The following OXNAD1 variants were observed in gnomAD, a reference collection of about 807,000 sequenced individuals.
The protein encoded by OXNAD1 is oxidoreductase NAD-binding domain-containing protein 1.
OXNAD1 carries 34 observed loss-of-function variants against 32.9 expected under a neutral mutation model. The ratio of observed to expected loss-of-function variants is 1.03; its 90% CI spans 0.79 to 1.38. The LOEUF is 1.38. Ranked by LOEUF, OXNAD1 falls within the 40% of genes most tolerant of loss-of-function variation. The probability of loss-of-function intolerance (pLI) is 0.00; values close to 1 mark genes in which losing one functional copy is unlikely to be tolerated. For missense variants in OXNAD1, 407 were observed against 379.4 expected, an observed-to-expected ratio of 1.07 and a Z score of -0.60; for synonymous variants, 134 against 135.2, an observed-to-expected ratio of 0.99 and a Z score of 0.06.
At position 16,276,616 on chromosome 3, in the gene OXNAD1, G is replaced by A. The variant is rs142179518; in HGVS notation, c.183+4894G>A. ...GGTCTTTGTTTTTTTTGTTCCTGGCGATTTGTAGAGTAAATCGCTGTCCTG... is the reference window on the plus strand; with the variant it reads ...GGTCTTTGTTTTTTTTGTTCCTGGCAATTTGTAGAGTAAATCGCTGTCCTG... On this transcript the variant is annotated intron_variant, in intron 4 of 8. Coordinates refer to ENST00000285083, the MANE Select transcript of OXNAD1 (RefSeq NM_138381.5). 3.6e-3 allele frequency: 589 copies of A among 163,472 alleles called. 2 individuals carry two copies. Among genetic ancestry groups the A allele is most frequent in the Middle Eastern group, 0.011 (4 of 348 alleles). The allele number at this position is 163,472 out of a possible 1,614,324, so 10.1% of individuals were successfully genotyped here.
intron 5 of OXNAD1, among the ~76,000 whole-genome samples, chr3:16,292,921 G>T (rs1477953377): frequency 1.3e-5 from 2 of 152,166 alleles, no homozygotes; most frequent in Non-Finnish European, 2.9e-5. Context: ...TTTCATTACT[G>T]TAGCTTTGTA....
Position 16,345,817 on chromosome 3 carries a change from T to TGTGTGTGTGTGTGTGCGC in OXNAD1, c.*31-3358_*31-3357insTGTGTGTGTGTGTGCGCG, listed in dbSNP as rs1160939614. The stretch of plus-strand genomic sequence containing the variant: ...GTGTGTGTGTGTGTGTGTGTGTGTG[T>TGTGTGTGTGTGTGTGCGC]GCGCGCGCGCGTGCGCGCACGCGCA... On this transcript the variant is annotated intron_variant, in intron 9 of 9. Transcript: ENST00000606098. This position sits in a 1 kb window ranked among gnomAD's most constrained non-coding sequence, Gnocchi z 5.2. 5.4e-5 allele frequency among the ~76,000 whole-genome samples: 4 copies of TGTGTGTGTGTGTGTGCGC among 74,540 alleles called. No individual in the cohort carries two copies. The highest frequency in any genetic ancestry group is 2.2e-4 in the African/African-American group (4 of 18,090). 48.9% of individuals were successfully genotyped at this position (74,540 alleles called of 152,430 possible).
At position 16,327,767 on chromosome 3, in the gene OXNAD1, A is replaced by G. The variant is rs2069867841; in HGVS notation, c.*31-9345A>G. ...CAGAGCGGGATTCCCATCTCAAAAA[A>G]AAAAACAAAACGAAAAAAACTTCAG... is the stretch of plus-strand genomic sequence containing the variant. On this transcript the variant is annotated intron_variant, in intron 9 of 9. Transcript: ENST00000435829. This position sits in a 1 kb window ranked among gnomAD's most constrained non-coding sequence, Gnocchi z 4.2. 6.6e-6 allele frequency among the ~76,000 whole-genome samples: 1 copy of G among 151,950 alleles called. No individual in the cohort carries two copies. Among genetic ancestry groups the G allele is most frequent in the Non-Finnish European group, 1.5e-5 (1 of 67,958 alleles).
In OXNAD1 at chr3:16,285,061, T is replaced by C. The variant is rs146883386; in HGVS notation, c.184-1281T>C. Among the ~76,000 whole-genome samples the C allele has an allele frequency of 2.1e-3, 322 of 152,250 alleles. 1 individual carries two copies. Among genetic ancestry groups the C allele is most frequent in the Admixed American group, 5.2e-3 (79 of 15,286 alleles). On this transcript the variant is annotated intron_variant, in intron 4 of 8. Transcript: ENST00000285083. ...AGGTAGAGGGTCAGTAATGGAAAAT[T>C]ACCCCAGTTGATTTTTAGGAGAGGA... is the stretch of plus-strand genomic sequence containing the variant.
chr3:16,270,897 C>T lies in OXNAD1; in HGVS notation c.-8-48C>T, dbSNP rs770077450. 3.1e-6 allele frequency: 5 copies of T among 1,610,950 alleles called. No individual in the cohort carries two copies. In the East Asian group the frequency reaches 1.1e-4, roughly 36 times the overall value. ...ACCCTCTAAAATAGTCTGATATTTC[C>T]CCACTTTTAAAAAAACAATTTGAAA... On this transcript the variant is annotated intron_variant, in intron 2 of 8. Transcript: ENST00000285083.
intron 9 of OXNAD1, chr3:16,326,743 T>G (rs753612661): frequency 6.5e-7 from 1 of 1,528,102 alleles, no homozygotes; most frequent in Non-Finnish European, 9.1e-7. Context: ...AAGTGTTCAA[T>G]AGAATCCTAA....
intron 4 of OXNAD1, among the ~76,000 whole-genome samples, chr3:16,272,518 TTATC>T (rs2065020635): frequency 6.6e-6 from 1 of 152,186 alleles, no homozygotes; most frequent in African/African-American, 2.4e-5. Context: ...TCATTTAAAT[TTATC>T]TATTAATAGA....
Position 16,334,710 on chromosome 3 carries a change from C to T in OXNAD1, c.*31-2402C>T, listed in dbSNP as rs914048968. On this transcript the variant is annotated intron_variant, in intron 9 of 9. Coordinates refer to the OXNAD1 transcript ENST00000435829. The surrounding 1 kb of genome is among the most constrained non-coding windows in gnomAD (Gnocchi z 4.3). ...ACTAAATGAAACAGCCTGTGGTAGA[C>T]AGAATAATGGCCCCAAAGATGTCTA... Among the ~76,000 whole-genome samples the T allele has an allele frequency of 6.6e-6, 1 of 152,166 alleles. No individual in the cohort carries two copies. The highest frequency in any genetic ancestry group is 2.4e-5 in the African/African-American group (1 of 41,430).
At chr3:16,326,197 G>A (rs2069670459) in intron 9 of OXNAD1, among the ~76,000 whole-genome samples, 2 of 152,242 alleles carry the variant, frequency 1.3e-5, no homozygotes, top group Admixed American at 1.3e-4. Context: ...CGTAAGCAGA[G>A]CTGAGAGTGG....
rs1366446233 is a variant in OXNAD1 at position 16,327,974 on chromosome 3, C to T, written c.*31-9138C>T. Among the ~76,000 whole-genome samples, 1 of 152,214 alleles carries T rather than the reference C, an allele frequency of 6.6e-6. No individual in the cohort carries two copies. The highest frequency in any genetic ancestry group is 1.5e-5 in the Non-Finnish European group (1 of 68,036). ...CTCCTCATCCCTCATAGTTTGGCTT[C>T]TTGTAGTTGGCTTCCGAAAATCTCA... On this transcript the variant is annotated intron_variant, in intron 9 of 9. Coordinates refer to the OXNAD1 transcript ENST00000435829. This position sits in a 1 kb window ranked among gnomAD's most constrained non-coding sequence, Gnocchi z 4.2.
rs1243320358 is a variant in OXNAD1 at position 16,282,811 on chromosome 3, G to A, written c.184-3531G>A. The stretch of plus-strand genomic sequence containing the variant: ...TCCCAAGTTCGTATGAGTTAAACGG[G>A]ACTTTCAGCTTTTTTTTTTTTTTTT... On this transcript the variant is annotated intron_variant, in intron 4 of 8. Coordinates refer to ENST00000285083, the MANE Select transcript of OXNAD1 (RefSeq NM_138381.5). Among the ~76,000 whole-genome samples, 5 of 138,308 alleles carry A rather than the reference G, an allele frequency of 3.6e-5. No individual in the cohort carries two copies. In the East Asian group the frequency reaches 8.6e-4, roughly 24 times the overall value. 90.7% of individuals were successfully genotyped at this position (138,308 alleles called of 152,430 possible).
chr3:16,329,654 C>A lies in OXNAD1; in HGVS notation c.*31-7458C>A, dbSNP rs2070105342. Among the ~76,000 whole-genome samples, 2 of 152,198 alleles carry A rather than the reference C, an allele frequency of 1.3e-5. No individual in the cohort carries two copies. Among genetic ancestry groups the A allele is most frequent in the South Asian group, 4.1e-4 (2 of 4,830 alleles). On this transcript the variant is annotated intron_variant, in intron 9 of 9. Coordinates refer to the OXNAD1 transcript ENST00000435829. The surrounding 1 kb of genome is among the most constrained non-coding windows in gnomAD (Gnocchi z 4.5). ...CTGCTTTATCCTGAGAATCCCTGCC[C>A]CCATCCCCGTATTCCCAGTTTAAAG...
chr3:16,274,956 T>G (rs2124994604), intron 4 of OXNAD1: 1 of 152,364 alleles, frequency 6.6e-6, no homozygotes. Context: ...CATAGTTCCT[T>G]AAGATCAGAA....
In OXNAD1 at chr3:16,320,989, G is replaced by A. The variant is rs2068984616; in HGVS notation, c.*31-16123G>A. Among the ~76,000 whole-genome samples, 1 of 152,240 alleles carries A rather than the reference G, an allele frequency of 6.6e-6. No homozygotes were observed. The highest frequency in any genetic ancestry group is 2.1e-4 in the South Asian group (1 of 4,830). Reference sequence around the variant, plus strand: ...CTATTATTAGGAGATTAGAATAGCTGAGGCGAGTGATGGTAGAGAGAAGTG... The same window carrying A: ...CTATTATTAGGAGATTAGAATAGCTAAGGCGAGTGATGGTAGAGAGAAGTG... On this transcript the variant is annotated intron_variant, in intron 9 of 9. Coordinates refer to the OXNAD1 transcript ENST00000435829. The surrounding 1 kb of genome is among the most constrained non-coding windows in gnomAD (Gnocchi z 4.5).
intron 1 of OXNAD1, among the ~76,000 whole-genome samples, chr3:16,268,305 G>A (rs56332731): frequency 3.2e-5 from 4 of 126,268 alleles, no homozygotes; most frequent in African/African-American, 5.5e-5. Context: ...GGATTTTAAA[G>A]AGAACTCCTT....
intron 5 of OXNAD1, among the ~76,000 whole-genome samples, chr3:16,294,256 G>A (rs1293006956): frequency 6.6e-6 from 1 of 151,552 alleles, no homozygotes; most frequent in African/African-American, 2.4e-5. Flanking sequence ...AGGCTGGAGT[G>A]CAGTGGCGCA....
chr3:16,315,151 C>G (rs2068253206), intron 9 of OXNAD1, among the ~76,000 whole-genome samples: 1 of 152,200 alleles, frequency 6.6e-6, no homozygotes. Flanking sequence ...GAGTCTTGCT[C>G]TGTGCCCAGA....
chr3:16,282,037 ATTTTTTTTTT>A (rs779324288), intron 4 of OXNAD1, among the ~76,000 whole-genome samples: 2 of 95,724 alleles, frequency 2.1e-5, no homozygotes, highest in Non-Finnish European at 2.0e-5. Context: ...AATGTTTGTA[ATTTTTTTTTT>A]TTTTTTTTTT....
rs994383544 is a variant in OXNAD1, at chr3:16,297,944, G to A, written c.432+2947G>A. Among the ~76,000 whole-genome samples the A allele has an allele frequency of 2.6e-5, 4 of 152,080 alleles. No individual in the cohort carries two copies. Among genetic ancestry groups the A allele is most frequent in the Non-Finnish European group, 5.9e-5 (4 of 68,006 alleles). ...TATGTGTGTTAAAATTCATAGAACC[G>A]TATACCAAAAGAAAAAGATTTCTAT... On this transcript the variant is annotated intron_variant, in intron 6 of 8. Coordinates refer to ENST00000285083, the MANE Select transcript of OXNAD1 (RefSeq NM_138381.5). The surrounding 1 kb of genome is among the most constrained non-coding windows in gnomAD (Gnocchi z 4.3).
Sources: gnomAD v4.1 joint callset for allele counts (sites outside exome capture counted in the v4.1 genomes callset) on GRCh38, gnomAD v4.1.1 for gene constraint, Gnocchi (gnomAD v3.1) non-coding constraint, MANE v1.5 for transcripts, NCBI Gene and HGNC (gene_info 2026-07-23, HGNC 2026-07-21) for gene names.